The following TGM2 variants were observed in gnomAD, a reference collection of about 807,000 sequenced individuals.
TGM2 encodes the protein transglutaminase 2.
A neutral mutation model predicts 75.6 loss-of-function variants in TGM2; 53 were observed. That is an observed-to-expected ratio of 0.70 (90% CI 0.56 to 0.88). The LOEUF (loss-of-function observed/expected upper bound fraction) is 0.88, where lower values mean the gene tolerates loss of function less well. Ranked by LOEUF, TGM2 falls within the 40% of genes least tolerant of loss-of-function variation. The pLI, the probability that TGM2 is intolerant of heterozygous loss-of-function variation, is 0.00. For synonymous variants in TGM2, 374 were observed against 381.1 expected (o/e 0.98, Z 0.22); for missense variants, 842 against 928.5 (o/e 0.91, Z 1.21).
At position 38,155,351 on chromosome 20, in the gene TGM2, A is replaced by T. The variant is rs1421573584; in HGVS notation, c.433+496T>A. 2.6e-5 allele frequency among the ~76,000 whole-genome samples: 4 copies of T among 151,954 alleles called. 1 individual carries two copies. The highest frequency in any genetic ancestry group is 2.9e-5 in the Non-Finnish European group (2 of 67,972). On this transcript the variant is annotated intron_variant, in intron 3 of 12. Transcript: ENST00000361475. Reference sequence around the variant, plus strand: ...TATCATTCTGCTTCTTTTTATTTTTATTTTTTTAGAGACAGGGTCTCACCC... The same window carrying T: ...TATCATTCTGCTTCTTTTTATTTTTTTTTTTTTAGAGACAGGGTCTCACCC...
intron 7 of TGM2, 81 bp from the exon 8 acceptor site, chr20:38,141,466 A>T (rs1028851309): frequency 9.7e-7 from 1 of 1,034,978 alleles, no homozygotes. Flanking sequence ...CCATGCATTC[A>T]TGTCCCCAGA....
chr20:38,142,578 C>T (rs559352624), intron 6 of TGM2, among the ~76,000 whole-genome samples: 272 of 152,288 alleles, frequency 1.8e-3, no homozygotes, highest in Non-Finnish European at 2.9e-3. Flanking sequence ...TGGTGGTGCA[C>T]GCCTGTAATC....
chr20:38,144,930 G>A (rs1011751587), intron 6 of TGM2, among the ~76,000 whole-genome samples: 2 of 152,174 alleles, frequency 1.3e-5, no homozygotes, highest in African/African-American at 2.4e-5. Context: ...ATCTTCAGGC[G>A]GCCACAGCCC....
chr20:38,131,258 G>C (rs762513732), intron 11 of TGM2, 29 bp from the exon 12 acceptor site: 9 of 1,612,938 alleles, frequency 5.6e-6, no homozygotes, highest in Non-Finnish European at 6.8e-6. Context: ...CAGATGTCAA[G>C]GGCAGGTGGG....
In TGM2 at chr20:38,142,173, G is replaced by T; in HGVS notation, c.886C>A (p.Arg296Ser). The T allele has an allele frequency of 6.2e-7, 1 of 1,614,166 alleles. No individual in the cohort carries two copies. The highest frequency in any genetic ancestry group is 1.7e-5 in the Admixed American group (1 of 60,012). ...TVLRCLGIPT[R>S]VVTNYNSAHD... ...GCCGAGTTGTAGTTGGTCACGACGC[G>T]GGTAGGGATGCCCAGGCACCTCAGC... is the stretch of plus-strand genomic sequence containing the variant. The change falls in exon 7 of 13, where the codon CGC (arginine) becomes AGC (serine). Residue 296 changes from arginine to serine, a missense_variant. Arg to Ser is a moderately radical substitution (Grantham distance 110). Transcript: ENST00000361475.
Position 38,127,448 on chromosome 20 carries a change from T to C in TGM2, c.*2771A>G. 1 of 865,302 alleles carries C rather than the reference T, an allele frequency of 1.2e-6. No homozygotes were observed. The highest frequency in any genetic ancestry group is 1.4e-6 in the Non-Finnish European group (1 of 720,402). 53.6% of individuals were successfully genotyped at this position (865,302 alleles called of 1,614,324 possible). A position where few individuals can be genotyped will look rare whatever the true frequency, so the allele number is the denominator to read the frequency against. On this transcript the variant is annotated 3_prime_UTR_variant, in exon 13 of 13. Coordinates refer to ENST00000361475, the MANE Select transcript of TGM2 (RefSeq NM_004613.4). The stretch of plus-strand genomic sequence containing the variant: ...GCATGTCATGTCTTTCTACATGACT[T>C]CCCAAGGGTGGGGACTGTCCCCATC...
Position 38,130,128 on chromosome 20 carries a change from G to C in TGM2, c.*91C>G, listed in dbSNP as rs1425226955. On this transcript the variant is annotated 3_prime_UTR_variant, in exon 13 of 13. Transcript: ENST00000361475. ...GCTGCCCACCCTGCCCTGGGGTCTGGGGCCCAAGAAGGGGCATATTTTGCT... is the reference window on the plus strand; with the variant it reads ...GCTGCCCACCCTGCCCTGGGGTCTGCGGCCCAAGAAGGGGCATATTTTGCT... 1 of 1,557,326 alleles carries C rather than the reference G, an allele frequency of 6.4e-7. No homozygotes were observed. The highest frequency in any genetic ancestry group is 1.3e-5 in the African/African-American group (1 of 74,276).
chr20:38,165,749 G>A (rs1244101777), upstream of TGM2, among the ~76,000 whole-genome samples: 7 of 150,270 alleles, frequency 4.7e-5, no homozygotes, highest in Non-Finnish European at 8.9e-5. Context: ...GAGAGCAGAC[G>A]CAGACACACC....
At chr20:38,155,803 G>GC (rs2075176642) in intron 3 of TGM2, 44 bp downstream of exon 3, 2 of 1,571,732 alleles carry the variant, frequency 1.3e-6, no homozygotes, top group Non-Finnish European at 1.7e-6. Context: ...GGCGGATCCA[G>GC]CCCTGCCCAC....
At chr20:38,152,731 G>A (rs1028459995) in intron 3 of TGM2, among the ~76,000 whole-genome samples, 11 of 152,186 alleles carry the variant, frequency 7.2e-5, no homozygotes, top group Non-Finnish European at 1.2e-4. Flanking sequence ...CTCCCGCAGC[G>A]CCCCTGCGCT....
intron 2 of TGM2, among the ~76,000 whole-genome samples, chr20:38,156,404 A>G (rs964683968): frequency 6.6e-5 from 10 of 152,296 alleles, no homozygotes; most frequent in Non-Finnish European, 1.5e-4. Context: ...CTGCTCTGCA[A>G]TGATGTGACT....
chr20:38,146,571 G>C (rs1415022693), intron 6 of TGM2, 146 bp downstream of exon 6: 1 of 907,482 alleles, frequency 1.1e-6, no homozygotes, highest in Non-Finnish European at 1.7e-6. Flanking sequence ...GACCGGAGAG[G>C]GTGGTCACAG....
intron 10 of TGM2, among the ~76,000 whole-genome samples, chr20:38,137,617 T>C (rs199669593): frequency 1.3e-5 from 2 of 152,266 alleles, no homozygotes; most frequent in East Asian, 3.9e-4. Context: ...CAACAGGCAC[T>C]TTCCAAGGCG....
At chr20:38,136,575 G>C (rs1201230273) in intron 10 of TGM2, among the ~76,000 whole-genome samples, 1 of 152,154 alleles carries the variant, frequency 6.6e-6, no homozygotes, top group Non-Finnish European at 1.5e-5. Flanking sequence ...CAGGGGAGTG[G>C]CCATTTGCTC....
intron 5 of TGM2, 88 bp downstream of exon 5, chr20:38,147,873 C>T (rs1241313799): frequency 9.7e-5 from 150 of 1,542,612 alleles, no homozygotes; most frequent in Non-Finnish European, 1.2e-4. Context: ...TCCCCCACCG[C>T]GCCTAGCCTG....
chr20:38,161,830 G>C (rs371771318), intron 1 of TGM2, among the ~76,000 whole-genome samples: 1 of 152,062 alleles, frequency 6.6e-6, no homozygotes, highest in Non-Finnish European at 1.5e-5. Flanking sequence ...GTCTTGCTTT[G>C]TTGCCCAGGC....
At chr20:38,165,803 C>A (rs2075305394), upstream of TGM2, among the ~76,000 whole-genome samples, 1 of 151,716 alleles carries the variant, frequency 6.6e-6, no homozygotes, top group East Asian at 1.9e-4. Flanking sequence ...AGATACACTC[C>A]CACAGATACA....
At chr20:38,146,987 T>TG (rs1325801008) in intron 5 of TGM2, 93 bp from the exon 6 acceptor site, 2 of 1,381,664 alleles carry the variant, frequency 1.4e-6, no homozygotes, top group African/African-American at 2.9e-5. Context: ...GGGTGAAAGC[T>TG]GGGGAGGGGA....
At chr20:38,148,818 C>T (rs1696291938) in intron 4 of TGM2, among the ~76,000 whole-genome samples, 1 of 152,168 alleles carries the variant, frequency 6.6e-6, no homozygotes, top group African/African-American at 2.4e-5. Flanking sequence ...TCATCCTTGC[C>T]ATTCAAATGT....
Sources: gnomAD v4.1 joint callset for allele counts (sites outside exome capture counted in the v4.1 genomes callset) on GRCh38, gnomAD v4.1.1 for gene constraint, MANE v1.5 for transcripts, NCBI Gene and HGNC (gene_info 2026-07-23, HGNC 2026-07-21) for gene names.